Variants in IL1RAPL1 observed in about 807,000 individuals in gnomAD.
IL1RAPL1 encodes interleukin-1 receptor accessory protein-like 1.
In IL1RAPL1, 3 loss-of-function variants were observed where a neutral mutation model predicts 48.4. That is an observed-to-expected ratio of 0.06 (90% CI 0.03 to 0.16). The LOEUF is 0.16. Among genes scored for constraint, IL1RAPL1 ranks in the 10% least tolerant of loss-of-function variants. The pLI is 1.00. For missense variants in IL1RAPL1, 349 were observed against 530.6 expected, an observed-to-expected ratio of 0.66 and a Z score of 3.36; for synonymous variants, 185 against 187.7, an observed-to-expected ratio of 0.99 and a Z score of 0.12.
chrX:29,079,589 G>A (rs1927756239), intron 2 of IL1RAPL1, among the ~76,000 whole-genome samples: 1 of 109,518 alleles, frequency 9.1e-6, no homozygotes, highest in Non-Finnish European at 1.9e-5. Context: ...CCACTAGACA[G>A]CCAGAGTAAT....
chrX:29,675,652 G>T (rs5972648), intron 6 of IL1RAPL1, among the ~76,000 whole-genome samples: 1 of 111,178 alleles, frequency 9.0e-6, no homozygotes, highest in Non-Finnish European at 1.9e-5. Flanking sequence ...GTGCAGTGGC[G>T]CCATCTCGGC....
At chrX:29,565,374 C>A (rs1922367143) in intron 5 of IL1RAPL1, among the ~76,000 whole-genome samples, 1 of 107,545 alleles carries the variant, frequency 9.3e-6, no homozygotes, top group African/African-American at 3.4e-5. Flanking sequence ...CAAAAGAACA[C>A]AACTAGTGAG....
intron 6 of IL1RAPL1, among the ~76,000 whole-genome samples, chrX:29,698,098 G>A (rs1926959740): frequency 9.2e-6 from 1 of 109,232 alleles, no homozygotes; most frequent in Non-Finnish European, 1.9e-5. Flanking sequence ...TAAGCTCCAA[G>A]AACACCCCTC....
intron 1 of IL1RAPL1, among the ~76,000 whole-genome samples, chrX:28,598,753 C>G (rs1413776238): frequency 1.9e-5 from 2 of 108,105 alleles, no homozygotes; most frequent in Non-Finnish European, 3.8e-5. Flanking sequence ...CTCAGCCTCC[C>G]GAGTAGCTGG....
At chrX:29,513,554 T>G (rs1367015905) in intron 5 of IL1RAPL1, among the ~76,000 whole-genome samples, 1 of 111,511 alleles carries the variant, frequency 9.0e-6, no homozygotes, top group African/African-American at 3.3e-5. Context: ...GTGTAAGGAG[T>G]GTATATTTGT....
At chrX:29,801,007 A>AAC (rs796355879) in intron 6 of IL1RAPL1, among the ~76,000 whole-genome samples, 2 of 23,762 alleles carry the variant, frequency 8.4e-5, no homozygotes, top group Non-Finnish European at 1.8e-4. Flanking sequence ...TCTCAAAAAA[A>AAC]AAAAAAAAAA....
At chrX:28,722,901 A>T (rs1018181417) in intron 1 of IL1RAPL1, among the ~76,000 whole-genome samples, 1 of 110,502 alleles carries the variant, frequency 9.0e-6, no homozygotes, top group South Asian at 4.0e-4. Context: ...ACGTTTATTG[A>T]TTTGCGTATG....
intron 2 of IL1RAPL1, among the ~76,000 whole-genome samples, chrX:28,954,750 GGAAAAGATTCT>G (rs1924558864): frequency 9.0e-6 from 1 of 111,314 alleles, no homozygotes. Flanking sequence ...CAAACAAAAT[GGAAAAGATTCT>G]GAACAACGTG....
chrX:29,296,071 G>A (rs1268889942), intron 3 of IL1RAPL1, among the ~76,000 whole-genome samples: 1 of 112,082 alleles, frequency 8.9e-6, no homozygotes, highest in Non-Finnish European at 1.9e-5. Context: ...AAAAAAACCT[G>A]CAGGGAAGAA....
At chrX:28,746,458 G>A (rs185474829) in intron 1 of IL1RAPL1, among the ~76,000 whole-genome samples, 27 of 111,709 alleles carry the variant, frequency 2.4e-4, no homozygotes, top group Non-Finnish European at 4.1e-4. Context: ...GTTGTTTAAG[G>A]AAATGGAATA....
At chrX:29,925,412 G>GT (rs763481708) in intron 8 of IL1RAPL1, among the ~76,000 whole-genome samples, 1,026 of 11,420 alleles carry the variant, frequency 0.09, 430 homozygotes, top group Non-Finnish European at 0.12. Context: ...TCCCGTAACT[G>GT]TTTTTTTTTT....
intron 1 of IL1RAPL1, among the ~76,000 whole-genome samples, chrX:28,740,614 G>A (rs1361156340): frequency 9.0e-6 from 1 of 110,869 alleles, no homozygotes; most frequent in Non-Finnish European, 1.9e-5. Flanking sequence ...CCCAGGTAGT[G>A]AGCTTATTAC....
At chrX:28,825,019 T>C (rs1221111827) in intron 2 of IL1RAPL1, among the ~76,000 whole-genome samples, 6 of 111,553 alleles carry the variant, frequency 5.4e-5, no homozygotes, top group African/African-American at 2.0e-4. Flanking sequence ...GGCTGTCTTC[T>C]AAAAGCTTCC....
rs976435888 is a variant in IL1RAPL1 at position 29,065,122 on chromosome X, T to G, written c.83-217816T>G. ...ACATGTTGTTTTATACAGTTGACTT[T>G]GAAATCAGGTGAAGGAAATTGCCTT... On this transcript the variant is annotated intron_variant, in intron 2 of 10. Transcript: ENST00000378993. Among the ~76,000 whole-genome samples the G allele has an allele frequency of 3.7e-5, 4 of 109,228 alleles. No homozygotes were observed. The Admixed American group carries it at 4.0e-4, about 11-fold the overall frequency. 94.9% of individuals were successfully genotyped at this position (109,228 alleles called of 115,157 possible). A position where few individuals can be genotyped will look rare whatever the true frequency, so the allele number is the denominator to read the frequency against.
At chrX:28,629,434 C>T (rs1255623976) in intron 1 of IL1RAPL1, among the ~76,000 whole-genome samples, 1 of 111,705 alleles carries the variant, frequency 9.0e-6, no homozygotes, top group African/African-American at 3.3e-5. Flanking sequence ...TACTATGTGT[C>T]ATTGTTTTTA....
At chrX:29,770,012 T>C (rs1388953723) in intron 6 of IL1RAPL1, among the ~76,000 whole-genome samples, 2 of 112,032 alleles carry the variant, frequency 1.8e-5, no homozygotes, top group African/African-American at 6.5e-5. Context: ...ACAAAGCATA[T>C]AGGAATTTTT....
At chrX:29,393,685 G>C (rs928174633) in intron 3 of IL1RAPL1, among the ~76,000 whole-genome samples, 1 of 107,775 alleles carries the variant, frequency 9.3e-6, no homozygotes, top group Non-Finnish European at 1.9e-5. Context: ...ATGATGCACA[G>C]ATTTACTTTC....
chrX:29,001,920 G>A (rs554845146), intron 2 of IL1RAPL1, among the ~76,000 whole-genome samples: 2 of 100,923 alleles, frequency 2.0e-5, no homozygotes, highest in East Asian at 3.0e-4. Context: ...TTTTTTTAAC[G>A]GAGTCTGGCT....
At chrX:28,964,889 G>A (rs1220178788) in intron 2 of IL1RAPL1, among the ~76,000 whole-genome samples, 3 of 110,354 alleles carry the variant, frequency 2.7e-5, no homozygotes, top group Non-Finnish European at 3.8e-5. Context: ...TTTTAATTGC[G>A]TACATGCATG....
Sources: allele counts gnomAD v4.1 joint callset (sites outside exome capture counted in the v4.1 genomes callset), GRCh38; gene constraint gnomAD v4.1.1; transcripts MANE v1.5; gene names NCBI Gene and HGNC (gene_info 2026-07-23, HGNC 2026-07-21).